The following TACC2 variants were observed in gnomAD, a reference collection of about 807,000 sequenced individuals.
TACC2 encodes the protein transforming acidic coiled-coil-containing protein 2.
TACC2 carries 137 observed loss-of-function variants against 227.3 expected under a neutral mutation model. That is an observed-to-expected ratio of 0.60 (90% CI 0.52 to 0.69). TACC2 has a LOEUF of 0.69. Among genes scored for constraint, TACC2 ranks in the 30% least tolerant of loss-of-function variants. TACC2 has a pLI of 0.00. For synonymous variants in TACC2, 1,523 were observed against 1,487.5 expected (o/e 1.02, Z -0.55); for missense variants, 3,470 against 3,694.4 (o/e 0.94, Z 1.57).
intron 3 of TACC2, among the ~76,000 whole-genome samples, chr10:122,075,416 ATC>A (rs1174401586): frequency 6.6e-6 from 1 of 152,164 alleles, no homozygotes; most frequent in African/African-American, 2.4e-5. Flanking sequence ...GTGGTAGTTC[ATC>A]TCAAGGACCT....
chr10:122,152,768 T>C (rs1305667115), intron 7 of TACC2, among the ~76,000 whole-genome samples: 1 of 152,136 alleles, frequency 6.6e-6, no homozygotes, highest in African/African-American at 2.4e-5. Context: ...GCCAGAACGC[T>C]GACTGTTGCA....
chr10:122,030,934 C>T (rs1361873336), intron 2 of TACC2, among the ~76,000 whole-genome samples: 1 of 152,096 alleles, frequency 6.6e-6, no homozygotes, highest in Admixed American at 6.5e-5. Context: ...CCATAATGCT[C>T]AGCCTCCTGT....
chr10:122,152,817 T>C (rs2092178154), intron 7 of TACC2, among the ~76,000 whole-genome samples: 1 of 152,008 alleles, frequency 6.6e-6, no homozygotes, highest in Admixed American at 6.6e-5. Flanking sequence ...ACTGGGACCT[T>C]GTGGAGAAAA....
intron 7 of TACC2, among the ~76,000 whole-genome samples, chr10:122,156,971 G>T (rs949980516): frequency 6.6e-6 from 1 of 152,004 alleles, no homozygotes; most frequent in Non-Finnish European, 1.5e-5. Flanking sequence ...AATTAGCTAG[G>T]CATGGTGGCA....
intron 5 of TACC2, among the ~76,000 whole-genome samples, chr10:122,114,745 T>C (rs549680703): frequency 6.6e-6 from 1 of 152,298 alleles, no homozygotes; most frequent in African/African-American, 2.4e-5. Context: ...GACCTGCTTG[T>C]ATTATAGTTA....
chr10:122,073,126 A>AAATATATAT (rs1383487943), intron 3 of TACC2, among the ~76,000 whole-genome samples: 4 of 71,018 alleles, frequency 5.6e-5, no homozygotes, highest in South Asian at 5.4e-4. Flanking sequence ...AAAAAAAAAA[A>AAATATATAT]ATATATATAT....
intron 1 of TACC2, among the ~76,000 whole-genome samples, chr10:122,010,464 A>T (rs1268454717): frequency 6.6e-6 from 1 of 152,238 alleles, no homozygotes; most frequent in Non-Finnish European, 1.5e-5. Flanking sequence ...AGCAGGGGAA[A>T]AAGAGGCCCT....
chr10:122,196,770 G>A (rs911713826), intron 8 of TACC2, among the ~76,000 whole-genome samples: 10 of 151,614 alleles, frequency 6.6e-5, no homozygotes, highest in South Asian at 4.2e-4. Context: ...CCCCATCTCC[G>A]TTAAAAATAC....
chr10:122,217,733 T>A (rs1226037216), intron 11 of TACC2, among the ~76,000 whole-genome samples: 1 of 151,460 alleles, frequency 6.6e-6, no homozygotes, highest in Non-Finnish European at 1.5e-5. Flanking sequence ...AGCTACCCCA[T>A]GCTTCCTTTT....
chr10:122,206,186 T>C (rs1488825777), intron 8 of TACC2, among the ~76,000 whole-genome samples: 1 of 152,184 alleles, frequency 6.6e-6, no homozygotes, highest in Non-Finnish European at 1.5e-5. Context: ...GGGTGTGGCC[T>C]TTGGAGAAGG....
At chr10:122,110,371 G>A (rs920597989) in intron 5 of TACC2, among the ~76,000 whole-genome samples, 1 of 152,218 alleles carries the variant, frequency 6.6e-6, no homozygotes, top group Non-Finnish European at 1.5e-5. Flanking sequence ...TGTAGCTCTA[G>A]GTTCACTATC....
rs1039511201 is a variant in TACC2 at position 122,101,615 on chromosome 10, A to G, written c.5573+13024A>G. ...TGCTCTGTCGCCCAGGCTGGAGTGC[A>G]GTGGTGTGATCTCGGCTCACTGCAA... On this transcript the variant is annotated intron_variant, in intron 5 of 22. Transcript: ENST00000369005. Among the ~76,000 whole-genome samples the G allele has an allele frequency of 4.9e-5, 6 of 123,190 alleles. No individual in the cohort carries two copies. In the Admixed American group the frequency reaches 6.2e-4, roughly 13 times the overall value. The allele number at this position is 123,190 out of a possible 152,430, so 80.8% of individuals were successfully genotyped here. A position where few individuals can be genotyped will look rare whatever the true frequency, so the allele number is the denominator to read the frequency against.
chr10:122,090,682 C>T (rs1252380313), intron 5 of TACC2, among the ~76,000 whole-genome samples: 1 of 151,782 alleles, frequency 6.6e-6, no homozygotes, highest in Admixed American at 6.6e-5. Flanking sequence ...CATCAAAGCA[C>T]TCTTTAGTGT....
chr10:122,050,537 A>G lies in TACC2; in HGVS notation c.133A>G (p.Arg45Gly), dbSNP rs1393009319. The G allele has an allele frequency of 6.2e-7, 1 of 1,613,858 alleles. No homozygotes were observed. The highest frequency in any genetic ancestry group is 2.2e-5 in the East Asian group (1 of 44,870). ...QQDTPGSPDHRDASSIGSVGL... is the reference protein window; with the variant it reads ...QQDTPGSPDHGDASSIGSVGL... ...GGACACGCCCGGAAGCCCTGACCAC[A>G]GAGACGCGTCCAGGTAGGAGGCCAG... The change falls in exon 3 of 23, where the codon AGA (arginine) becomes GGA (glycine). Residue 45 changes from arginine to glycine, a missense_variant. By Grantham distance (125) the Arg-to-Gly change is moderately radical. Around this residue, in one of 10 missense-constraint regions of TACC2, gnomAD observed 405 missense variants for 389.6 expected, o/e 1.04. Coordinates refer to ENST00000369005, the MANE Select transcript of TACC2 (RefSeq NM_206862.4). The surrounding 1 kb of genome is among the most constrained non-coding windows in gnomAD (Gnocchi z 4.6).
intron 5 of TACC2, among the ~76,000 whole-genome samples, chr10:122,090,546 C>CAAAAAAAAAAA (rs1188822419): frequency 2.4e-5 from 1 of 41,110 alleles, no homozygotes; most frequent in Non-Finnish European, 5.1e-5. Flanking sequence ...GACTCTATCT[C>CAAAAAAAAAAA]AAAAAAAAAA....
chr10:122,069,459 G>A (rs556510378), intron 3 of TACC2, among the ~76,000 whole-genome samples: 2 of 152,102 alleles, frequency 1.3e-5, no homozygotes, highest in African/African-American at 4.8e-5. Context: ...AGCCAGGATG[G>A]TCTTGATCTC....
intron 3 of TACC2, among the ~76,000 whole-genome samples, chr10:122,076,321 G>T (rs928201605): frequency 6.6e-6 from 1 of 152,226 alleles, no homozygotes; most frequent in South Asian, 2.1e-4. Context: ...TGAGGGCAGG[G>T]CCTTCACAAC....
intron 3 of TACC2, among the ~76,000 whole-genome samples, chr10:122,069,158 T>G (rs566710920): frequency 6.6e-6 from 1 of 152,298 alleles, no homozygotes; most frequent in Non-Finnish European, 1.5e-5. Context: ...GGGCTCCACC[T>G]GGAACCCCCT....
intron 7 of TACC2, among the ~76,000 whole-genome samples, chr10:122,187,258 G>A (rs1261459885): frequency 6.6e-6 from 1 of 152,162 alleles, no homozygotes; most frequent in African/African-American, 2.4e-5. Flanking sequence ...CTTGGCCCTG[G>A]ACCTGGTTGT....
Sources: allele counts gnomAD v4.1 joint callset (sites outside exome capture counted in the v4.1 genomes callset), GRCh38; gene constraint gnomAD v4.1.1; regional missense constraint gnomAD v4.1.1; non-coding constraint Gnocchi (gnomAD v3.1); transcripts MANE v1.5; gene names NCBI Gene and HGNC (gene_info 2026-07-23, HGNC 2026-07-21).